The following FSIP2 variants were observed in gnomAD, a reference collection of about 807,000 sequenced individuals.
The protein encoded by FSIP2 is fibrous sheath interacting protein 2.
In FSIP2, 367 loss-of-function variants were observed where a neutral mutation model predicts 510.5. That is an observed-to-expected ratio of 0.72 (90% CI 0.66 to 0.78). The LOEUF is 0.78. FSIP2 is among the 30% of genes least tolerant of loss of function. FSIP2 has a pLI of 0.00. For missense variants in FSIP2, 7,594 were observed against 7,901.7 expected (o/e 0.96, Z 1.48); for synonymous variants, 2,601 against 2,732.2 (o/e 0.95, Z 1.50).
intron 7 of FSIP2, among the ~76,000 whole-genome samples, chr2:185,751,500 G>GTGT (rs1553493318): frequency 6.8e-5 from 4 of 58,600 alleles, no homozygotes; most frequent in South Asian, 5.5e-4. Context: ...TGTGTGTGTG[G>GTGT]TTACTACTCA....
At position 185,763,242 on chromosome 2, in the gene FSIP2, A is replaced by G; in HGVS notation, c.1300A>G (p.Asn434Asp). 1 of 1,523,354 alleles carries G rather than the reference A, an allele frequency of 6.6e-7. No homozygotes were observed. The highest frequency in any genetic ancestry group is 8.8e-7 in the Non-Finnish European group (1 of 1,135,932). 94.4% of individuals were successfully genotyped at this position (1,523,354 alleles called of 1,614,324 possible). ...IISAQVSPTR[N>D]FSRVSQAFLD... Reference sequence around the variant, plus strand: ...TTCAGCGCAGGTATCACCCACGAGAAATTTTTCCAGAGTTTCACAGGCATT... The same window carrying G: ...TTCAGCGCAGGTATCACCCACGAGAGATTTTTCCAGAGTTTCACAGGCATT... Residue 434 changes from asparagine to aspartate, a missense_variant, in exon 12 of 23, where the codon AAT becomes GAT. Asn to Asp is a conservative substitution (Grantham distance 23). Coordinates refer to ENST00000424728, the MANE Select transcript of FSIP2 (RefSeq NM_173651.4).
At position 185,792,114 on chromosome 2, in the gene FSIP2, G is replaced by T. The variant is rs981694938; in HGVS notation, c.4978G>T (p.Val1660Leu). 1 of 1,533,878 alleles carries T rather than the reference G, an allele frequency of 6.5e-7. No homozygotes were observed. Among genetic ancestry groups the T allele is most frequent in the Non-Finnish European group, 8.7e-7 (1 of 1,145,336 alleles). Residue 1660 changes from valine to leucine, a missense_variant, in exon 16 of 23, where the codon GTG becomes TTG. Coordinates refer to ENST00000424728, the MANE Select transcript of FSIP2 (RefSeq NM_173651.4). ...GAAGGTTATTCAAACAGAATTAAAT[G>T]TGACCTCATCAGATTTGAAGACAAG... ...ILKVIQTELN[V>L]TSSDLKTSVE...
rs1377174296 is a variant in FSIP2 at position 185,804,455 on chromosome 2, C to T, written c.15149C>T (p.Thr5050Ile). Residue 5050 changes from threonine to isoleucine, a missense_variant, in exon 17 of 23, where the codon ACA (threonine) becomes ATA (isoleucine). Physicochemically the swap from Thr to Ile is moderately conservative, Grantham distance 89 (BLOSUM62 -1). Coordinates refer to ENST00000424728, the MANE Select transcript of FSIP2 (RefSeq NM_173651.4). ...IQIHRVIQSD[T>I]ICFGRKIYYL... ...ATACATAGGGTTATACAAAGTGACA[C>T]AATATGTTTTGGTAGGAAAATATAT... 1.3e-6 allele frequency: 2 copies of T among 1,516,022 alleles called. No individual in the cohort carries two copies. The highest frequency in any genetic ancestry group is 2.8e-5 in the African/African-American group (2 of 72,026). 93.9% of individuals were successfully genotyped at this position (1,516,022 alleles called of 1,614,324 possible).
In FSIP2 at chr2:185,791,997, T is replaced by A. The variant is rs1693142040; in HGVS notation, c.4861T>A (p.Tyr1621Asn). Residue 1621 changes from tyrosine (Y) to asparagine (N), a missense_variant, in exon 16 of 23, where the codon TAT (tyrosine) becomes AAT (asparagine). Tyr to Asn is a moderately radical substitution (Grantham distance 143). Coordinates refer to ENST00000424728, the MANE Select transcript of FSIP2 (RefSeq NM_173651.4). The part of the protein sequence containing the change: ...NKKSNKIGWE[Y>N]ESTNISRDTH... ...GAAAAGCAATAAGATAGGCTGGGAA[T>A]ATGAAAGCACCAATATTTCCAGAGA... 1 of 1,533,818 alleles carries A rather than the reference T, an allele frequency of 6.5e-7. No individual in the cohort carries two copies. Among genetic ancestry groups the A allele is most frequent in the African/African-American group, 1.4e-5 (1 of 72,868 alleles).
At chr2:185,743,043 T>G (rs578146531) in intron 2 of FSIP2, 90 bp from the exon 3 acceptor site, 2 of 990,632 alleles carry the variant, frequency 2.0e-6, no homozygotes, top group Non-Finnish European at 1.4e-6. Flanking sequence ...TTTGGCACAT[T>G]TTATTTTCAA....
Position 185,743,279 on chromosome 2 carries a change from C to A in FSIP2, c.372C>A (p.Ile124=). The A allele has an allele frequency of 6.7e-7, 1 of 1,496,350 alleles. No individual in the cohort carries two copies. The highest frequency in any genetic ancestry group is 8.8e-7 in the Non-Finnish European group (1 of 1,133,348). The allele number at this position is 1,496,350 out of a possible 1,614,324, so 92.7% of individuals were successfully genotyped here. A position where few individuals can be genotyped will look rare whatever the true frequency, so the allele number is the denominator to read the frequency against. The part of the protein sequence containing the change: ...ILKRLKKGGY[I]TSNNKVVCTL... ...AGAGATTAAAGAAAGGTGGCTACAT[C>A]ACCAGCAATAATAAAGTGGGTTGAA... Residue 124 remains isoleucine (I), a synonymous_variant, in exon 3 of 23, where the codon ATC becomes ATA. Coordinates refer to ENST00000424728, the MANE Select transcript of FSIP2 (RefSeq NM_173651.4).
Position 185,793,629 on chromosome 2 carries a change from C to G in FSIP2, c.6493C>G (p.His2165Asp). 1 of 1,534,256 alleles carries G rather than the reference C, an allele frequency of 6.5e-7. No homozygotes were observed. Among genetic ancestry groups the G allele is most frequent in the Non-Finnish European group, 8.7e-7 (1 of 1,145,462 alleles). ...CAATGATATAGTGAATATTGTTCTT[C>G]ATAATCTCAGTTCTGCTGCCACGCT... ...ISNDIVNIVL[H>D]NLSSAATLVI... The change falls in exon 16 of 23, where the codon CAT (histidine) becomes GAT (aspartate). Residue 2165 changes from histidine (H) to aspartate (D), a missense_variant. Physicochemically the swap from His to Asp is moderately conservative, Grantham distance 81. Coordinates refer to ENST00000424728, the MANE Select transcript of FSIP2 (RefSeq NM_173651.4).
In FSIP2 at chr2:185,793,320, A is replaced by G; in HGVS notation, c.6184A>G (p.Lys2062Glu). Reference protein sequence around the residue: ...KGKCDKNSSDKEIDLDQQKGV... With the variant: ...KGKCDKNSSDEEIDLDQQKGV... The stretch of plus-strand genomic sequence containing the variant: ...CAAATGTGACAAAAACAGTTCTGAC[A>G]AAGAGATCGATTTAGATCAGCAAAA... Residue 2062 changes from lysine to glutamate, a missense_variant, in exon 16 of 23, where the codon AAA becomes GAA. Lys to Glu is a moderately conservative substitution (Grantham distance 56, BLOSUM62 1). Coordinates refer to ENST00000424728, the MANE Select transcript of FSIP2 (RefSeq NM_173651.4). 1 of 1,534,324 alleles carries G rather than the reference A, an allele frequency of 6.5e-7. No individual in the cohort carries two copies. Among genetic ancestry groups the G allele is most frequent in the South Asian group, 1.2e-5 (1 of 84,016 alleles).
intron 17 of FSIP2, among the ~76,000 whole-genome samples, chr2:185,809,963 A>G (rs980710058): frequency 2.0e-5 from 3 of 152,074 alleles, no homozygotes; most frequent in African/African-American, 7.2e-5. Context: ...TCCATCAGAC[A>G]TTTTGATTTT....
At chr2:185,782,328 A>T (rs888745327) in intron 13 of FSIP2, among the ~76,000 whole-genome samples, 2 of 152,226 alleles carry the variant, frequency 1.3e-5, no homozygotes, top group South Asian at 4.1e-4. Context: ...TTCAAGAGTT[A>T]ACATAAGCTG....
Position 185,805,197 on chromosome 2 carries a change from T to G in FSIP2, c.15891T>G (p.Asp5297Glu), listed in dbSNP as rs1293505257. 3.1e-6 allele frequency: 5 copies of G among 1,604,620 alleles called. No individual in the cohort carries two copies. Among genetic ancestry groups the G allele is most frequent in the Middle Eastern group, 1.7e-4 (1 of 6,006 alleles). Residue 5297 changes from aspartate to glutamate, a missense_variant, in exon 17 of 23, where the codon GAT becomes GAG. Transcript: ENST00000424728. ...GTTCTCTCCTCATTATTACTGAAGA[T>G]TCTAAGAAAAATGAAATGGCAGAGC... Reference protein sequence around the residue: ...KFCSLLIITEDSKKNEMAELD... With the variant: ...KFCSLLIITEESKKNEMAELD...
rs140953218 is a variant in FSIP2 at position 185,739,211 on chromosome 2, G to C, written c.100-135G>C. On this transcript the variant is annotated intron_variant, in intron 1 of 22. Coordinates refer to ENST00000424728, the MANE Select transcript of FSIP2 (RefSeq NM_173651.4). The stretch of plus-strand genomic sequence containing the variant: ...AGGAGAGCTGGTGACCAGGGAAAAC[G>C]GGAGGACTTCAGGATGCCCCGAACC... 6.0e-6 allele frequency: 7 copies of C among 1,157,294 alleles called. No individual in the cohort carries two copies. The East Asian group carries it at 1.9e-4, about 31-fold the overall frequency. 71.7% of individuals were successfully genotyped at this position (1,157,294 alleles called of 1,614,324 possible).
rs1230744470 is a variant in FSIP2 at position 185,795,020 on chromosome 2, G to A, written c.7884G>A (p.Val2628=). The change falls in exon 16 of 23, where the codon GTG becomes GTA. Residue 2628 remains valine, a synonymous_variant. Coordinates refer to ENST00000424728, the MANE Select transcript of FSIP2 (RefSeq NM_173651.4). ...TTTTGCCATATTTACCATTGCAAGT[G>A]AAGAAAGACTTAATTCAAATGGTTC... ...NTLLPYLPLQ[V]KKDLIQMVLN... is the part of the protein sequence containing the mutation. The A allele has an allele frequency of 7.2e-6, 11 of 1,533,730 alleles. No homozygotes were observed. Among genetic ancestry groups the A allele is most frequent in the Middle Eastern group, 1.7e-4 (1 of 5,966 alleles).
Position 185,807,446 on chromosome 2 carries a change from T to C in FSIP2, c.18140T>C (p.Leu6047Pro), listed in dbSNP as rs1693611783. 6.2e-7 allele frequency: 1 copy of C among 1,612,576 alleles called. No homozygotes were observed. Among genetic ancestry groups the C allele is most frequent in the Admixed American group, 1.7e-5 (1 of 59,896 alleles). Residue 6047 changes from leucine to proline, a missense_variant, in exon 17 of 23, where the codon CTT becomes CCT. Leu to Pro is a moderately conservative substitution (Grantham distance 98). Coordinates refer to ENST00000424728, the MANE Select transcript of FSIP2 (RefSeq NM_173651.4). ...AATTTGTCCACAGAACTGAATTTCCTTCAAATGAAGTTAGTAAGTGCAGTT... is the reference window on the plus strand; with the variant it reads ...AATTTGTCCACAGAACTGAATTTCCCTCAAATGAAGTTAGTAAGTGCAGTT... ...EDNLSTELNF[L>P]QMKLVSAVAT...
chr2:185,825,525 T>C (rs995672122), intron 20 of FSIP2, among the ~76,000 whole-genome samples: 16 of 151,790 alleles, frequency 1.1e-4, no homozygotes, highest in Admixed American at 3.3e-4. Context: ...AACCTCACCA[T>C]TATGCAATAT....
chr2:185,830,145 G>A (rs1240251032), intron 21 of FSIP2, among the ~76,000 whole-genome samples: 5 of 151,580 alleles, frequency 3.3e-5, no homozygotes, highest in Non-Finnish European at 7.4e-5. Context: ...ACAAACAAAC[G>A]AAAAAAATCA....
At position 185,816,902 on chromosome 2, in the gene FSIP2, AAG is replaced by A. The variant is rs143036016; in HGVS notation, c.20426+1439_20426+1440del. Among the ~76,000 whole-genome samples, 892 of 151,154 alleles carry A rather than the reference AAG, an allele frequency of 5.9e-3. 10 individuals carry two copies. The highest frequency in any genetic ancestry group is 0.02 in the African/African-American group (819 of 41,174). Reference sequence around the variant, plus strand: ...GAGAAGACGAAAGAAAGAGAAAGAAAAGAGAGAGAAAGAAAAAAGAGTAAATG... The same window carrying A: ...GAGAAGACGAAAGAAAGAGAAAGAAAAGAGAGAAAGAAAAAAGAGTAAATG... On this transcript the variant is annotated intron_variant, in intron 19 of 22. Coordinates refer to ENST00000424728, the MANE Select transcript of FSIP2 (RefSeq NM_173651.4).
At chr2:185,765,696 TTGATGGGG>T (rs1692458763) in intron 13 of FSIP2, 1 of 151,868 alleles carries the variant, frequency 6.6e-6, no homozygotes, top group Admixed American at 6.6e-5. Context: ...CATCGGTAGC[TTGATGGGG>T]ATGGCATTGA....
At position 185,794,659 on chromosome 2, in the gene FSIP2, T is replaced by C; in HGVS notation, c.7523T>C (p.Leu2508Pro). Reference protein sequence around the residue: ...VREVTGHLPPLNETANFISNS... With the variant: ...VREVTGHLPPPNETANFISNS... ...GAAGTCACAGGCCATTTGCCTCCAC[T>C]TAATGAAACTGCCAACTTTATATCT... The change falls in exon 16 of 23, where the codon CTT (leucine) becomes CCT (proline). Residue 2508 changes from leucine to proline, a missense_variant. Physicochemically the swap from Leu to Pro is moderately conservative, Grantham distance 98. Transcript: ENST00000424728. 6.5e-7 allele frequency: 1 copy of C among 1,533,078 alleles called. No homozygotes were observed. The highest frequency in any genetic ancestry group is 8.7e-7 in the Non-Finnish European group (1 of 1,145,426). The allele number at this position is 1,533,078 out of a possible 1,614,324, so 95.0% of individuals were successfully genotyped here.
Sources: allele counts gnomAD v4.1 joint callset (sites outside exome capture counted in the v4.1 genomes callset), GRCh38; gene constraint gnomAD v4.1.1; transcripts MANE v1.5; gene names NCBI Gene and HGNC (gene_info 2026-07-23, HGNC 2026-07-21).